SLC35F3: variants seen among roughly 807,000 people sequenced by gnomAD.
SLC35F3 encodes putative thiamine transporter SLC35F3.
In SLC35F3, 25 loss-of-function variants were observed where a neutral mutation model predicts 49.9. The ratio of observed to expected loss-of-function variants is 0.50; its 90% CI spans 0.37 to 0.70. The LOEUF is 0.70. SLC35F3 is among the 30% of genes least tolerant of loss of function. The pLI is 0.00. For synonymous variants in SLC35F3, 275 were observed against 265.4 expected (o/e 1.04, Z -0.35); for missense variants, 525 against 639.8 (o/e 0.82, Z 1.94).
chr1:233,942,070 C>T (rs1333627632), intron 2 of SLC35F3, among the ~76,000 whole-genome samples: 3 of 151,356 alleles, frequency 2.0e-5, no homozygotes, highest in African/African-American at 7.3e-5. Context: ...AAGCGATTCT[C>T]CTGCCTCAGC....
chr1:233,999,010 A>G (rs1663507006), intron 2 of SLC35F3, among the ~76,000 whole-genome samples: 1 of 152,210 alleles, frequency 6.6e-6, no homozygotes, highest in African/African-American at 2.4e-5. Flanking sequence ...AAAGCCCTTG[A>G]GCCTCATGCT....
intron 2 of SLC35F3, among the ~76,000 whole-genome samples, chr1:234,173,915 C>T (rs979078195): frequency 1.3e-5 from 2 of 152,164 alleles, no homozygotes; most frequent in Admixed American, 6.5e-5. Flanking sequence ...GGCTTGGGAG[C>T]GATTTTCTCC....
chr1:233,983,968 G>A (rs1663225550), intron 2 of SLC35F3, among the ~76,000 whole-genome samples: 2 of 152,146 alleles, frequency 1.3e-5, no homozygotes, highest in Non-Finnish European at 2.9e-5. Context: ...CAGGAACTAG[G>A]ATTATCATAC....
At chr1:234,249,822 GC>G (rs1667707821) in intron 3 of SLC35F3, among the ~76,000 whole-genome samples, 2 of 152,250 alleles carry the variant, frequency 1.3e-5, no homozygotes, top group South Asian at 2.1e-4. Context: ...TGTGCGTCTA[GC>G]CCTGAGGCTG....
At position 234,323,099 on chromosome 1, in the gene SLC35F3, G is replaced by A. The variant is rs767421211; in HGVS notation, c.1329G>A (p.Leu443=). 13 of 1,614,026 alleles carry A rather than the reference G, an allele frequency of 8.1e-6. No individual in the cohort carries two copies. Among genetic ancestry groups the A allele is most frequent in the South Asian group, 2.2e-5 (2 of 91,084 alleles). The change falls in exon 8 of 8, where the codon CTG becomes CTA. Residue 443 remains leucine (L), a synonymous_variant. Coordinates refer to ENST00000366618, the MANE Select transcript of SLC35F3 (RefSeq NM_173508.4). This position sits in a 1 kb window ranked among gnomAD's most constrained non-coding sequence, Gnocchi z 4.5. ...GCCTGGGTTTTCTCCTCCTGCTCCT[G>A]CCAGAGGAGTGGGATGTCTGGTTGA... The part of the protein sequence containing the change: ...IIGLGFLLLL[L]PEEWDVWLIK...
chr1:234,321,168 G>T (rs541750091), intron 7 of SLC35F3, among the ~76,000 whole-genome samples: 1 of 151,924 alleles, frequency 6.6e-6, no homozygotes. Flanking sequence ...TTCCAAAGGC[G>T]CTCGACCTCT....
intron 2 of SLC35F3, among the ~76,000 whole-genome samples, chr1:234,187,497 A>G (rs544729848): frequency 1.3e-5 from 2 of 152,230 alleles, no homozygotes; most frequent in African/African-American, 4.8e-5. Flanking sequence ...TACTGCAGGA[A>G]TATACCAGGA....
At chr1:234,238,703 G>T (rs1667511821) in intron 3 of SLC35F3, among the ~76,000 whole-genome samples, 1 of 152,032 alleles carries the variant, frequency 6.6e-6, no homozygotes, top group Non-Finnish European at 1.5e-5. Context: ...CTACAGACAA[G>T]TTCAGAATAT....
intron 3 of SLC35F3, among the ~76,000 whole-genome samples, chr1:234,267,527 C>G (rs1668008411): frequency 6.7e-6 from 1 of 150,352 alleles, no homozygotes; most frequent in African/African-American, 2.5e-5. Flanking sequence ...CCACCTCCCT[C>G]CCGGACGGGG....
chr1:233,932,812 G>A (rs12121736), intron 2 of SLC35F3, among the ~76,000 whole-genome samples: 14,952 of 152,146 alleles, frequency 0.098, 896 homozygotes, highest in East Asian at 0.15. Context: ...CATTAGTCTT[G>A]ACATTAGTCT....
chr1:234,257,396 T>C (rs1274923516), intron 3 of SLC35F3, among the ~76,000 whole-genome samples: 5 of 152,220 alleles, frequency 3.3e-5, no homozygotes, highest in Non-Finnish European at 7.3e-5. Flanking sequence ...TTTTTTTGTA[T>C]GATTTGAGTT....
intron 2 of SLC35F3, among the ~76,000 whole-genome samples, chr1:233,998,807 T>C (rs1663503695): frequency 6.6e-6 from 1 of 152,156 alleles, no homozygotes; most frequent in Non-Finnish European, 1.5e-5. Flanking sequence ...TAATATCTGA[T>C]GATAGTGGGA....
At chr1:234,317,166 A>T (rs1657509098) in intron 5 of SLC35F3, among the ~76,000 whole-genome samples, 4 of 152,234 alleles carry the variant, frequency 2.6e-5, no homozygotes, top group Admixed American at 2.6e-4. Context: ...ACTGCTCGCT[A>T]TGAATCCATA....
At chr1:233,982,535 C>T (rs927947644) in intron 2 of SLC35F3, among the ~76,000 whole-genome samples, 6 of 152,076 alleles carry the variant, frequency 3.9e-5, no homozygotes, top group Admixed American at 1.3e-4. Flanking sequence ...CCACCATGCT[C>T]GGCTAATTTT....
intron 3 of SLC35F3, among the ~76,000 whole-genome samples, chr1:234,263,176 A>T (rs1667931291): frequency 6.6e-6 from 1 of 152,174 alleles, no homozygotes; most frequent in African/African-American, 2.4e-5. Context: ...GCTCTGTTTG[A>T]GAAAGGGAGA....
intron 2 of SLC35F3, among the ~76,000 whole-genome samples, chr1:234,224,091 G>T (rs756140010): frequency 6.6e-6 from 1 of 151,030 alleles, no homozygotes; most frequent in Non-Finnish European, 1.5e-5. Flanking sequence ...TTAAGACAGG[G>T]TCTCACTCCT....
At chr1:234,003,570 T>C (rs148978698) in intron 2 of SLC35F3, among the ~76,000 whole-genome samples, 2 of 152,266 alleles carry the variant, frequency 1.3e-5, no homozygotes, top group East Asian at 3.9e-4. Flanking sequence ...GCAGTATATT[T>C]GCACAAGCTT....
chr1:234,168,986 A>G (rs953499129), intron 2 of SLC35F3, among the ~76,000 whole-genome samples: 1 of 152,208 alleles, frequency 6.6e-6, no homozygotes, highest in African/African-American at 2.4e-5. Context: ...CTAGAGTGCT[A>G]GGAAAGCTGG....
chr1:234,228,484 T>A (rs1387885662), intron 2 of SLC35F3, among the ~76,000 whole-genome samples: 1 of 152,224 alleles, frequency 6.6e-6, no homozygotes, highest in Non-Finnish European at 1.5e-5. Context: ...GCTTTACACT[T>A]ATTTATAGAC....
Sources: gnomAD v4.1 joint callset for allele counts (sites outside exome capture counted in the v4.1 genomes callset) on GRCh38, gnomAD v4.1.1 for gene constraint, Gnocchi (gnomAD v3.1) non-coding constraint, MANE v1.5 for transcripts, NCBI Gene and HGNC (gene_info 2026-07-23, HGNC 2026-07-21) for gene names.